The following PPP3CA variants were observed in gnomAD, a reference collection of about 807,000 sequenced individuals.
The protein encoded by PPP3CA is protein phosphatase 3 catalytic subunit alpha, also known as CAM-PRP catalytic subunit.
Under a neutral mutation model 66.5 loss-of-function variants are expected in PPP3CA, and 14 were observed. The ratio of observed to expected loss-of-function variants is 0.21; its 90% CI spans 0.14 to 0.33. The LOEUF (loss-of-function observed/expected upper bound fraction) is 0.33, where lower values mean the gene tolerates loss of function less well. Among genes scored for constraint, PPP3CA ranks in the 10% least tolerant of loss-of-function variants. The pLI, the probability that PPP3CA is intolerant of heterozygous loss-of-function variation, is 1.00. For synonymous variants in PPP3CA, 232 were observed against 226.2 expected, an observed-to-expected ratio of 1.03 and a Z score of -0.23; for missense variants, 317 against 639.5, an observed-to-expected ratio of 0.50 and a Z score of 5.44.
chr4:101,117,258 C>T (rs968556215), intron 2 of PPP3CA, among the ~76,000 whole-genome samples: 4 of 151,720 alleles, frequency 2.6e-5, no homozygotes, highest in Non-Finnish European at 5.9e-5. Context: ...ATTCTCAGTT[C>T]GTAACTGTAA....
chr4:101,041,429 ATTTTTT>A (rs11296247), intron 10 of PPP3CA, among the ~76,000 whole-genome samples: 2 of 86,154 alleles, frequency 2.3e-5, no homozygotes, highest in African/African-American at 9.0e-5. Context: ...TACCTCACAA[ATTTTTT>A]TTTTTTTTTT....
At chr4:101,196,185 C>G in intron 1 of PPP3CA, 69 bp from the exon 2 acceptor site, 2 of 1,394,676 alleles carry the variant, frequency 1.4e-6, no homozygotes, top group Non-Finnish European at 2.0e-6. Context: ...TAATAACCAC[C>G]AAATATCCAT....
chr4:101,252,983 C>T (rs750497557), intron 1 of PPP3CA, among the ~76,000 whole-genome samples: 3 of 152,136 alleles, frequency 2.0e-5, no homozygotes, highest in Admixed American at 6.5e-5. Context: ...GCAGAGAAAA[C>T]GACTCATTGA....
intron 10 of PPP3CA, among the ~76,000 whole-genome samples, chr4:101,047,135 G>A (rs1255220888): frequency 6.6e-6 from 1 of 152,086 alleles, no homozygotes; most frequent in African/African-American, 2.4e-5. Flanking sequence ...TCCCAGCAAA[G>A]GGATGTTATG....
At chr4:101,258,496 C>G (rs1343315074) in intron 1 of PPP3CA, among the ~76,000 whole-genome samples, 1 of 152,132 alleles carries the variant, frequency 6.6e-6, no homozygotes, top group Non-Finnish European at 1.5e-5. Flanking sequence ...CAACTGGAAA[C>G]AGTAAATACT....
intron 1 of PPP3CA, among the ~76,000 whole-genome samples, chr4:101,289,703 C>T (rs1422085954): frequency 1.3e-5 from 2 of 151,882 alleles, no homozygotes; most frequent in African/African-American, 2.4e-5. Flanking sequence ...ATAATATATG[C>T]ATATATGTGA....
intron 7 of PPP3CA, among the ~76,000 whole-genome samples, chr4:101,082,580 T>C (rs542913436): frequency 4.1e-4 from 63 of 152,346 alleles, no homozygotes; most frequent in African/African-American, 1.5e-3. Flanking sequence ...TGAAATTTCA[T>C]AATTTTCTAA....
intron 1 of PPP3CA, among the ~76,000 whole-genome samples, chr4:101,249,394 T>A (rs2583403): frequency 0.92 from 139,784 of 152,148 alleles, 64,428 homozygotes; most frequent in African/African-American, 0.98. Context: ...TTATCCTTAT[T>A]TTAAAGCATC....
At chr4:101,264,205 A>G (rs939244972) in intron 1 of PPP3CA, among the ~76,000 whole-genome samples, 3 of 152,072 alleles carry the variant, frequency 2.0e-5, no homozygotes, top group African/African-American at 4.8e-5. Context: ...TTTTTCCCCC[A>G]TGTCTTTTTC....
At position 101,073,131 on chromosome 4, in the gene PPP3CA, G is replaced by A. The variant is rs528335508; in HGVS notation, c.955+7401C>T. Among the ~76,000 whole-genome samples the A allele has an allele frequency of 7.2e-4, 109 of 151,876 alleles. 1 individual carries two copies. Among genetic ancestry groups the A allele is most frequent in the African/African-American group, 2.6e-3 (106 of 41,440 alleles). On this transcript the variant is annotated intron_variant, in intron 8 of 13. Coordinates refer to ENST00000394854, the MANE Select transcript of PPP3CA (RefSeq NM_000944.5). The stretch of plus-strand genomic sequence containing the variant: ...GAATTTTAATCATTCATCTCAGAGG[G>A]TGATTTTTCTAAAAGCCAATCAAAA...
chr4:101,200,125 AG>A (rs1334404049), intron 1 of PPP3CA, among the ~76,000 whole-genome samples: 2 of 152,130 alleles, frequency 1.3e-5, no homozygotes, highest in Non-Finnish European at 2.9e-5. Context: ...CCAGGTATCT[AG>A]GATTTCTGCT....
At chr4:101,248,984 C>T (rs1166208141) in intron 1 of PPP3CA, among the ~76,000 whole-genome samples, 1 of 151,234 alleles carries the variant, frequency 6.6e-6, no homozygotes, top group Non-Finnish European at 1.5e-5. Context: ...CAAGGTGAAA[C>T]CCCGTCTCTA....
intron 3 of PPP3CA, among the ~76,000 whole-genome samples, chr4:101,100,208 A>G (rs944085633): frequency 2.6e-5 from 4 of 152,114 alleles, no homozygotes; most frequent in Non-Finnish European, 4.4e-5. Context: ...AGAAAAGACA[A>G]GATGTTGGGA....
chr4:101,031,755 CTT>C (rs1350213925), intron 12 of PPP3CA, among the ~76,000 whole-genome samples: 2 of 152,098 alleles, frequency 1.3e-5, no homozygotes, highest in Non-Finnish European at 2.9e-5. Context: ...TATTCAGTCT[CTT>C]GTTTTCAATT....
intron 2 of PPP3CA, chr4:101,171,020 G>T: frequency 6.6e-6 from 2 of 304,044 alleles, no homozygotes; most frequent in South Asian, 5.5e-5. Context: ...GCATCTACAG[G>T]AATACTTAAA....
intron 2 of PPP3CA, among the ~76,000 whole-genome samples, chr4:101,114,032 T>G (rs961354819): frequency 6.6e-6 from 1 of 152,144 alleles, no homozygotes; most frequent in Non-Finnish European, 1.5e-5. Flanking sequence ...CACATTCTCC[T>G]GGCTTCCCAT....
intron 2 of PPP3CA, among the ~76,000 whole-genome samples, chr4:101,177,605 C>T (rs1396553618): frequency 6.6e-6 from 1 of 152,040 alleles, no homozygotes; most frequent in African/African-American, 2.4e-5. Context: ...AAATGTCAAA[C>T]AACTCATATG....
At chr4:101,165,324 T>G (rs1447027563) in intron 2 of PPP3CA, among the ~76,000 whole-genome samples, 1 of 152,204 alleles carries the variant, frequency 6.6e-6, no homozygotes, top group Non-Finnish European at 1.5e-5. Context: ...TCCCAAACAT[T>G]GAAAAATGAA....
At chr4:101,098,929 C>T (rs1490193026) in intron 4 of PPP3CA, among the ~76,000 whole-genome samples, 1 of 152,138 alleles carries the variant, frequency 6.6e-6, no homozygotes, top group Non-Finnish European at 1.5e-5. Context: ...TTCTATCTTA[C>T]TGCACATTGC....
Sources: gnomAD v4.1 joint callset for allele counts (sites outside exome capture counted in the v4.1 genomes callset) on GRCh38, gnomAD v4.1.1 for gene constraint, MANE v1.5 for transcripts, NCBI Gene and HGNC (gene_info 2026-07-23, HGNC 2026-07-21) for gene names.